The following C10orf67 variants were observed in gnomAD, a reference collection of about 807,000 sequenced individuals.
The protein encoded by C10orf67 is chromosome 10 open reading frame 67, also known as uncharacterized protein C10orf67, mitochondrial.
A neutral mutation model predicts 35.6 loss-of-function variants in C10orf67; 60 were observed. The ratio of observed to expected loss-of-function variants is 1.68; its 90% CI spans 1.37 to 2.09. The LOEUF is 2.09. C10orf67 is among the 30% of genes most tolerant of loss of function. The pLI is 0.00. For missense variants in C10orf67, 474 were observed against 330.2 expected, an observed-to-expected ratio of 1.44 and a Z score of -3.38; for synonymous variants, 167 against 115.8, an observed-to-expected ratio of 1.44 and a Z score of -2.84.
intron 7 of C10orf67, among the ~76,000 whole-genome samples, chr10:23,285,967 A>C (rs910171278): frequency 6.6e-6 from 1 of 152,256 alleles, no homozygotes; most frequent in Admixed American, 6.5e-5. Flanking sequence ...CCAGCCATCA[A>C]CTGGTGGCTT....
intron 15 of C10orf67, among the ~76,000 whole-genome samples, chr10:23,210,353 G>C (rs368889777): frequency 6.6e-6 from 1 of 152,186 alleles, no homozygotes; most frequent in Non-Finnish European, 1.5e-5. Flanking sequence ...AGGACAAATA[G>C]GGATATTGTG....
At chr10:23,261,823 G>A (rs1259869424) in intron 10 of C10orf67, among the ~76,000 whole-genome samples, 2 of 152,052 alleles carry the variant, frequency 1.3e-5, no homozygotes, top group South Asian at 2.1e-4. Flanking sequence ...AATTTTAATA[G>A]GATCAATTTT....
intron 13 of C10orf67, among the ~76,000 whole-genome samples, chr10:23,236,109 C>T (rs906227485): frequency 1.3e-5 from 2 of 152,014 alleles, no homozygotes; most frequent in Admixed American, 6.6e-5. Context: ...ATTAGCCGGG[C>T]TTGGTGGCAG....
chr10:23,260,960 T>C (rs1350705716), intron 10 of C10orf67, among the ~76,000 whole-genome samples: 3 of 152,330 alleles, frequency 2.0e-5, no homozygotes, highest in East Asian at 3.9e-4. Flanking sequence ...TTATAAATTG[T>C]AATTGAATTC....
intron 5 of C10orf67, among the ~76,000 whole-genome samples, chr10:23,297,950 AC>A (rs1843944160): frequency 1.3e-5 from 2 of 152,134 alleles, no homozygotes; most frequent in Admixed American, 1.3e-4. Context: ...TGCCACCACT[AC>A]CCGTAAACAA....
chr10:23,274,523 C>T (rs781323912), intron 8 of C10orf67, among the ~76,000 whole-genome samples: 4 of 152,114 alleles, frequency 2.6e-5, no homozygotes, highest in Admixed American at 6.6e-5. Flanking sequence ...CCTACTCACA[C>T]GTCTGTTTAT....
At chr10:23,231,456 C>T (rs1390234729) in intron 13 of C10orf67, among the ~76,000 whole-genome samples, 2 of 152,178 alleles carry the variant, frequency 1.3e-5, no homozygotes, top group African/African-American at 4.8e-5. Flanking sequence ...ATTGAAGGAA[C>T]CTGTGTACCA....
intron 15 of C10orf67, among the ~76,000 whole-genome samples, chr10:23,222,011 G>A (rs1294270430): frequency 2.6e-5 from 4 of 152,142 alleles, no homozygotes; most frequent in Admixed American, 6.5e-5. Flanking sequence ...CCTCTACAGT[G>A]CTGATTAATA....
At chr10:23,301,655 A>G (rs1357638088) in intron 5 of C10orf67, among the ~76,000 whole-genome samples, 1 of 151,952 alleles carries the variant, frequency 6.6e-6, no homozygotes, top group African/African-American at 2.4e-5. Flanking sequence ...GGCCTCACAG[A>G]TTCCAAGGAA....
chr10:23,214,167 A>G (rs1841376724), intron 15 of C10orf67, among the ~76,000 whole-genome samples: 1 of 152,118 alleles, frequency 6.6e-6, no homozygotes, highest in South Asian at 2.1e-4. Flanking sequence ...TAAAATGTAT[A>G]ACAAAAAACT....
Position 23,223,836 on chromosome 10 carries a change from T to C in C10orf67, c.1435-18A>G, listed in dbSNP as rs1250422184. 5.6e-6 allele frequency: 4 copies of C among 714,722 alleles called. No homozygotes were observed. The highest frequency in any genetic ancestry group is 5.3e-5 in the African/African-American group (3 of 57,140). The allele number at this position is 714,722 out of a possible 1,614,324, so 44.3% of individuals were successfully genotyped here. On this transcript the variant is annotated intron_variant, in intron 13 of 15. Coordinates refer to ENST00000636213, the MANE Select transcript of C10orf67 (RefSeq NM_001371909.1). ...TTTACTTTCTGAAAGACACAAAAGA[T>C]ATGTACTGTGTTATCAGGAGGAAAT...
intron 13 of C10orf67, among the ~76,000 whole-genome samples, chr10:23,232,097 T>G (rs573218904): frequency 6.6e-6 from 1 of 152,308 alleles, no homozygotes; most frequent in South Asian, 2.1e-4. Context: ...ATGGTAATAA[T>G]CTAGCTATGG....
chr10:23,222,019 A>T (rs1371948015), intron 15 of C10orf67, among the ~76,000 whole-genome samples: 1 of 152,208 alleles, frequency 6.6e-6, no homozygotes, highest in Non-Finnish European at 1.5e-5. Flanking sequence ...GTGCTGATTA[A>T]TATTCAGAAT....
intron 13 of C10orf67, among the ~76,000 whole-genome samples, chr10:23,234,337 G>A (rs1424174800): frequency 6.6e-6 from 1 of 152,212 alleles, no homozygotes; most frequent in Non-Finnish European, 1.5e-5. Context: ...GGAATACTAT[G>A]CAGCCATGTC....
chr10:23,262,574 C>T (rs1232207599), intron 10 of C10orf67, among the ~76,000 whole-genome samples: 1 of 152,188 alleles, frequency 6.6e-6, no homozygotes, highest in Non-Finnish European at 1.5e-5. Context: ...TTACATTACG[C>T]TCAAACCTAG....
chr10:23,303,506 A>T, intron 4 of C10orf67, 47 bp from the exon 5 acceptor site: 1 of 444,056 alleles, frequency 2.3e-6, no homozygotes, highest in Non-Finnish European at 4.1e-6. Flanking sequence ...CTAAGCATTA[A>T]AAATTAGGCA....
chr10:23,312,708 C>G (rs1844545097), intron 4 of C10orf67, among the ~76,000 whole-genome samples: 1 of 152,202 alleles, frequency 6.6e-6, no homozygotes, highest in Non-Finnish European at 1.5e-5. Flanking sequence ...TATGCATCAA[C>G]TTGGCTAGGC....
intron 8 of C10orf67, among the ~76,000 whole-genome samples, chr10:23,268,960 G>A (rs141967251): frequency 4.0e-3 from 613 of 152,290 alleles, no homozygotes; most frequent in African/African-American, 0.014. Flanking sequence ...GACTACCATC[G>A]TGTATTTAGT....
intron 13 of C10orf67, among the ~76,000 whole-genome samples, chr10:23,225,935 C>T (rs1841727024): frequency 6.6e-6 from 1 of 151,876 alleles, no homozygotes; most frequent in African/African-American, 2.4e-5. Flanking sequence ...ACTTTGACAC[C>T]CCACTGTCAA....
Sources: gnomAD v4.1 joint callset for allele counts (sites outside exome capture counted in the v4.1 genomes callset) on GRCh38, gnomAD v4.1.1 for gene constraint, MANE v1.5 for transcripts, NCBI Gene and HGNC (gene_info 2026-07-23, HGNC 2026-07-21) for gene names.